The following TRPM6 variants were observed in gnomAD, a reference collection of about 807,000 sequenced individuals.
The protein encoded by TRPM6 is transient receptor potential cation channel subfamily M member 6.
In TRPM6, 111 loss-of-function variants were observed where a neutral mutation model predicts 247.6. The ratio of observed to expected loss-of-function variants is 0.45; its 90% CI spans 0.38 to 0.52. TRPM6 has a LOEUF of 0.52. Among genes scored for constraint, TRPM6 ranks in the 20% least tolerant of loss-of-function variants. TRPM6 has a pLI of 0.00. For synonymous variants in TRPM6, 892 were observed against 853.8 expected, an observed-to-expected ratio of 1.04 and a Z score of -0.78; for missense variants, 2,126 against 2,421.5, an observed-to-expected ratio of 0.88 and a Z score of 2.56.
chr9:74,803,263 G>A (rs992827687), intron 15 of TRPM6, among the ~76,000 whole-genome samples: 1 of 151,166 alleles, frequency 6.6e-6, no homozygotes, highest in African/African-American at 2.4e-5. Context: ...TGGGACTGGA[G>A]GAGTATGAGA....
Position 74,739,799 on chromosome 9 carries a change from T to C in TRPM6, c.5411A>G (p.Lys1804Arg), listed in dbSNP as rs1240876446. ...CCGCACAACCTCAGGAAGAAAGGAC[T>C]TGACAATGAAAACTTGTCCCGGCTT... is the stretch of plus-strand genomic sequence containing the variant. ...ILKPGQVFIV[K>R]SFLPEVVRTW... Residue 1804 changes from lysine to arginine, a missense_variant, in exon 34 of 39, where the codon AAG (lysine) becomes AGG (arginine). This residue lies in a region of TRPM6 where 327 missense variants were observed against 397.7 expected (regional missense o/e 0.82). Transcript: ENST00000360774. The C allele has an allele frequency of 6.2e-7, 1 of 1,614,072 alleles. No homozygotes were observed. The highest frequency in any genetic ancestry group is 1.3e-5 in the African/African-American group (1 of 74,914).
chr9:74,804,793 G>A (rs1282571636), intron 14 of TRPM6: 11 of 659,772 alleles, frequency 1.7e-5, no homozygotes, highest in South Asian at 8.3e-5. Context: ...GCACGGGCTC[G>A]TAAGCAACAT....
At chr9:74,786,790 G>A (rs1280219125) in intron 20 of TRPM6, among the ~76,000 whole-genome samples, 1 of 152,140 alleles carries the variant, frequency 6.6e-6, no homozygotes. Context: ...GATCTGTATA[G>A]CTACGATTTC....
At chr9:74,831,934 G>A (rs1033460658) in intron 6 of TRPM6, among the ~76,000 whole-genome samples, 1 of 152,180 alleles carries the variant, frequency 6.6e-6, no homozygotes, top group Non-Finnish European at 1.5e-5. Flanking sequence ...AGTACATAGA[G>A]CATGTAAACT....
intron 21 of TRPM6, among the ~76,000 whole-genome samples, chr9:74,785,491 TAC>T (rs1169832311): frequency 6.6e-6 from 1 of 151,944 alleles, no homozygotes; most frequent in Non-Finnish European, 1.5e-5. Context: ...CGTAAATACA[TAC>T]AGTTACTTAT....
chr9:74,796,770 C>T lies in TRPM6; in HGVS notation c.2362G>A (p.Ala788Thr), dbSNP rs140636691. 1.5e-4 allele frequency: 249 copies of T among 1,613,982 alleles called. 2 individuals carry two copies. The highest frequency in any genetic ancestry group is 4.2e-4 in the South Asian group (38 of 91,074). Residue 788 changes from alanine (A) to threonine (T), a missense_variant, in exon 18 of 39, where the codon GCC (alanine) becomes ACC (threonine). Ala to Thr is a moderately conservative substitution (Grantham distance 58, BLOSUM62 0). This residue lies in a region of TRPM6 where 1,082 missense variants were observed against 1,307.9 expected (regional missense o/e 0.83). Transcript: ENST00000360774. ...GAAGCACTTTCTTTGGAACTGCTGG[C>T]GTTCTGGTCACTGTAATACCACATA... ...QFMWYYSDQNASSSKESASVK... is the reference protein window; with the variant it reads ...QFMWYYSDQNTSSSKESASVK...
intron 6 of TRPM6, among the ~76,000 whole-genome samples, chr9:74,829,964 G>GA (rs1291150888): frequency 6.6e-6 from 1 of 151,884 alleles, no homozygotes; most frequent in East Asian, 1.9e-4. Flanking sequence ...ATCTCTAAAA[G>GA]AAAAAAATTT....
intron 3 of TRPM6, among the ~76,000 whole-genome samples, chr9:74,850,340 C>T (rs1587577726): frequency 6.6e-6 from 1 of 151,998 alleles, no homozygotes; most frequent in African/African-American, 2.4e-5. Flanking sequence ...CCATTGCGCT[C>T]CAGCCTGGGC....
chr9:74,779,334 A>T (rs901404798), intron 23 of TRPM6, among the ~76,000 whole-genome samples: 5 of 152,212 alleles, frequency 3.3e-5, no homozygotes, highest in Non-Finnish European at 7.3e-5. Flanking sequence ...CTATAAAAAT[A>T]GCTATTATAA....
chr9:74,771,560 T>A, intron 25 of TRPM6, 143 bp downstream of exon 25: 1 of 761,552 alleles, frequency 1.3e-6, no homozygotes, highest in Non-Finnish European at 2.1e-6. Flanking sequence ...TTTGATTACA[T>A]GAATATTATA....
intron 9 of TRPM6, among the ~76,000 whole-genome samples, chr9:74,819,339 T>C (rs1343589721): frequency 6.6e-6 from 1 of 151,566 alleles, no homozygotes; most frequent in Non-Finnish European, 1.5e-5. Flanking sequence ...ATAATTCATA[T>C]CATCCAAGTC....
rs757387948 is a variant in TRPM6, at chr9:74,755,487, C to T, written c.4786-14G>A. Reference sequence around the variant, plus strand: ...GACTGTTATGATCTGGAGAGAAAGACACTTGTTGGAACACAGTGACATTAA... The same window carrying T: ...GACTGTTATGATCTGGAGAGAAAGATACTTGTTGGAACACAGTGACATTAA... On this transcript the variant is annotated splice_polypyrimidine_tract_variant and intron_variant, in intron 27 of 38. Coordinates refer to ENST00000360774, the MANE Select transcript of TRPM6 (RefSeq NM_017662.5). The T allele has an allele frequency of 7.4e-6, 12 of 1,613,936 alleles. No homozygotes were observed. The highest frequency in any genetic ancestry group is 1.0e-5 in the Non-Finnish European group (12 of 1,179,946).
chr9:74,887,626 A>G, intron 1 of TRPM6, 198 bp downstream of exon 1: 4 of 1,552,176 alleles, frequency 2.6e-6, no homozygotes, highest in Non-Finnish European at 3.5e-6. Context: ...AGTAGCGTAC[A>G]CTACCTTAGA....
At chr9:74,829,726 A>G (rs1167534372) in intron 6 of TRPM6, among the ~76,000 whole-genome samples, 1 of 152,218 alleles carries the variant, frequency 6.6e-6, no homozygotes, top group Non-Finnish European at 1.5e-5. Flanking sequence ...GATTTAATAC[A>G]TATTTTGTAT....
At chr9:74,884,744 T>C (rs1334259089) in intron 1 of TRPM6, among the ~76,000 whole-genome samples, 1 of 152,196 alleles carries the variant, frequency 6.6e-6, no homozygotes, top group African/African-American at 2.4e-5. Context: ...GGAGAATTAT[T>C]TTCTGTGATA....
At chr9:74,851,601 TA>T (rs928186162) in intron 3 of TRPM6, among the ~76,000 whole-genome samples, 2 of 150,864 alleles carry the variant, frequency 1.3e-5, no homozygotes, top group Non-Finnish European at 3.0e-5. Context: ...TACAACAAAT[TA>T]GCCAGGCGTG....
intron 9 of TRPM6, among the ~76,000 whole-genome samples, chr9:74,819,741 C>G (rs1444373611): frequency 6.6e-6 from 1 of 152,150 alleles, no homozygotes; most frequent in African/African-American, 2.4e-5. Flanking sequence ...AAGCTGTGTT[C>G]ATTGAAGACA....
chr9:74,848,430 A>G (rs1830178259), intron 3 of TRPM6, among the ~76,000 whole-genome samples: 1 of 152,234 alleles, frequency 6.6e-6, no homozygotes, highest in Non-Finnish European at 1.5e-5. Context: ...CCTAGGTTGG[A>G]CAAAGCAAAT....
chr9:74,801,137 T>C (rs188051482), intron 16 of TRPM6, among the ~76,000 whole-genome samples: 1 of 152,008 alleles, frequency 6.6e-6, no homozygotes, highest in Non-Finnish European at 1.5e-5. Context: ...AGGGTCTTGC[T>C]GTGTTGCCCA....
Sources: gnomAD v4.1 joint callset for allele counts (sites outside exome capture counted in the v4.1 genomes callset) on GRCh38, gnomAD v4.1.1 for gene constraint, gnomAD v4.1.1 regional missense constraint, MANE v1.5 for transcripts, NCBI Gene and HGNC (gene_info 2026-07-23, HGNC 2026-07-21) for gene names.